The following SNX24 variants were observed in gnomAD, a reference collection of about 807,000 sequenced individuals.
SNX24 encodes sorting nexin 24, also known as sorting nexin-24.
In SNX24, 22 loss-of-function variants were observed where a neutral mutation model predicts 28.7. The ratio of observed to expected loss-of-function variants is 0.77; its 90% CI spans 0.55 to 1.10. The LOEUF is 1.10. SNX24 is among the 50% of genes least tolerant of loss of function. The probability of loss-of-function intolerance (pLI) is 0.00; values close to 1 mark genes in which losing one functional copy is unlikely to be tolerated. For synonymous variants in SNX24, 69 were observed against 71.5 expected, an observed-to-expected ratio of 0.96 and a Z score of 0.18; for missense variants, 221 against 201.1, an observed-to-expected ratio of 1.10 and a Z score of -0.60.
Position 122,865,183 on chromosome 5 carries a change from G to T in SNX24, c.60+19490G>T, listed in dbSNP as rs373620757. Among the ~76,000 whole-genome samples the T allele has an allele frequency of 5.3e-5, 8 of 152,278 alleles. No individual in the cohort carries two copies. The South Asian group carries it at 1.4e-3, about 28-fold the overall frequency. The stretch of plus-strand genomic sequence containing the variant: ...TTGACCAAATATCTGGGCACCCTGT[G>T]GCCCACTGAAGTTGTCACATAAAAT... On this transcript the variant is annotated intron_variant, in intron 1 of 6. Coordinates refer to ENST00000261369, the MANE Select transcript of SNX24 (RefSeq NM_014035.4).
intron 1 of SNX24, among the ~76,000 whole-genome samples, chr5:122,880,556 C>T (rs1025262537): frequency 2.6e-5 from 4 of 152,116 alleles, no homozygotes; most frequent in African/African-American, 9.7e-5. Flanking sequence ...TAACTGAGTG[C>T]AAAGTTGATT....
At chr5:122,999,455 T>TACAC (rs71928842) in intron 3 of SNX24, among the ~76,000 whole-genome samples, 41,110 of 149,738 alleles carry the variant, frequency 0.27, 6,786 homozygotes, top group Middle Eastern at 0.39. Context: ...TGTGGGGAGA[T>TACAC]ACACACACAC....
intron 3 of SNX24, among the ~76,000 whole-genome samples, chr5:122,956,019 C>T (rs1345465855): frequency 4.6e-5 from 7 of 151,994 alleles, no homozygotes; most frequent in African/African-American, 1.2e-4. Flanking sequence ...CTGCCCCTCT[C>T]TGTGTTCTAT....
chr5:122,878,953 CAA>C (rs71223070), intron 1 of SNX24, among the ~76,000 whole-genome samples: 2 of 103,386 alleles, frequency 1.9e-5, no homozygotes. Flanking sequence ...GACTCTGTCT[CAA>C]AAAAAAAAAA....
chr5:122,919,815 C>T (rs1329949277), intron 1 of SNX24, among the ~76,000 whole-genome samples: 4 of 152,118 alleles, frequency 2.6e-5, no homozygotes, highest in African/African-American at 9.7e-5. Flanking sequence ...GCTGGCTACA[C>T]GGTTCACATG....
intron 3 of SNX24, among the ~76,000 whole-genome samples, chr5:122,949,744 T>C (rs1759849444): frequency 6.6e-6 from 1 of 152,206 alleles, no homozygotes; most frequent in Admixed American, 6.5e-5. Context: ...TTTAAGTACA[T>C]TTCTGAACCA....
At chr5:122,989,105 A>G (rs775970963) in intron 3 of SNX24, among the ~76,000 whole-genome samples, 1 of 152,114 alleles carries the variant, frequency 6.6e-6, no homozygotes, top group Non-Finnish European at 1.5e-5. Context: ...ATGGGCCAAA[A>G]ACAGGACTTT....
chr5:122,851,789 C>A (rs1425762885), intron 1 of SNX24, among the ~76,000 whole-genome samples: 2 of 151,998 alleles, frequency 1.3e-5, no homozygotes, highest in African/African-American at 4.8e-5. Flanking sequence ...ATAATTCTTT[C>A]ATTCACTACA....
chr5:122,935,387 AT>A (rs1759138583), intron 1 of SNX24, among the ~76,000 whole-genome samples: 2 of 152,286 alleles, frequency 1.3e-5, no homozygotes, highest in Non-Finnish European at 2.9e-5. Context: ...CCTAAAAAAA[AT>A]CTAAGAATAT....
intron 1 of SNX24, among the ~76,000 whole-genome samples, chr5:122,872,785 G>A (rs1022906711): frequency 3.3e-5 from 5 of 151,382 alleles, no homozygotes; most frequent in Non-Finnish European, 5.9e-5. Context: ...AGATACTGAG[G>A]GCCGACTGTA....
At chr5:122,848,938 T>TA (rs1048932801) in intron 1 of SNX24, among the ~76,000 whole-genome samples, 13 of 152,324 alleles carry the variant, frequency 8.5e-5, no homozygotes, top group Non-Finnish European at 1.8e-4. Flanking sequence ...GCTGTCATCT[T>TA]ACAATTTATA....
chr5:122,887,709 A>G (rs1362589689), intron 1 of SNX24, among the ~76,000 whole-genome samples: 2 of 151,788 alleles, frequency 1.3e-5, no homozygotes, highest in Non-Finnish European at 2.9e-5. Flanking sequence ...CAGTCACTGT[A>G]TTTTTTCTTT....
At chr5:122,877,726 G>T (rs1170990936) in intron 1 of SNX24, among the ~76,000 whole-genome samples, 1 of 152,084 alleles carries the variant, frequency 6.6e-6, no homozygotes, top group Non-Finnish European at 1.5e-5. Flanking sequence ...GTTAACTTGT[G>T]TTTTTTCTTT....
intron 1 of SNX24, among the ~76,000 whole-genome samples, chr5:122,931,943 A>C (rs1758977084): frequency 6.6e-6 from 1 of 151,976 alleles, no homozygotes; most frequent in East Asian, 1.9e-4. Flanking sequence ...TCCTTAGCTT[A>C]AGTTTATTTT....
intron 1 of SNX24, among the ~76,000 whole-genome samples, chr5:122,878,373 A>C (rs1280121633): frequency 6.6e-6 from 1 of 152,138 alleles, no homozygotes; most frequent in Non-Finnish European, 1.5e-5. Flanking sequence ...ATTACAGCGG[A>C]TTAAGAAAGC....
At chr5:122,889,752 T>G (rs1756883149) in intron 1 of SNX24, among the ~76,000 whole-genome samples, 1 of 148,830 alleles carries the variant, frequency 6.7e-6, no homozygotes, top group South Asian at 2.1e-4. Context: ...TGTATATATA[T>G]ACATTATACC....
At chr5:122,867,887 C>A (rs1050836582) in intron 1 of SNX24, among the ~76,000 whole-genome samples, 3 of 152,158 alleles carry the variant, frequency 2.0e-5, no homozygotes, top group Non-Finnish European at 4.4e-5. Flanking sequence ...CCATTCAGAC[C>A]ATTGGCCACA....
chr5:123,001,325 G>A, intron 4 of SNX24, 80 bp from the exon 5 acceptor site: 1 of 878,354 alleles, frequency 1.1e-6, no homozygotes, highest in Admixed American at 2.1e-5. Context: ...AATAATATTG[G>A]GTATTTTTTC....
At position 122,884,251 on chromosome 5, in the gene SNX24, C is replaced by CTTTTTTTTT. The variant is rs758617172; in HGVS notation, c.60+38570_60+38578dup. ...TAATTACCCTCAATTGTTTCTTTTT[C>CTTTTTTTTT]TTTTTTTTTTTTTTTTTTTTCAGAC... is the stretch of plus-strand genomic sequence containing the variant. On this transcript the variant is annotated intron_variant, in intron 1 of 6. Coordinates refer to ENST00000261369, the MANE Select transcript of SNX24 (RefSeq NM_014035.4). Among the ~76,000 whole-genome samples the CTTTTTTTTT allele has an allele frequency of 2.1e-3, 199 of 92,720 alleles. 2 individuals carry two copies. The highest frequency in any genetic ancestry group is 2.8e-3 in the African/African-American group (63 of 22,590). 60.8% of individuals were successfully genotyped at this position (92,720 alleles called of 152,430 possible).
Sources: gnomAD v4.1 joint callset for allele counts (sites outside exome capture counted in the v4.1 genomes callset) on GRCh38, gnomAD v4.1.1 for gene constraint, MANE v1.5 for transcripts, NCBI Gene and HGNC (gene_info 2026-07-23, HGNC 2026-07-21) for gene names.